Variants in MALRD1 observed in about 807,000 individuals in gnomAD.
MALRD1 encodes the protein MAM and LDL receptor class A domain containing 1, also known as MAM and LDL-receptor class A domain-containing protein 1.
Under a neutral mutation model 242.1 loss-of-function variants are expected in MALRD1, and 247 were observed. The observed-to-expected ratio is 1.02, with a 90% CI of 0.92 to 1.13. The LOEUF (loss-of-function observed/expected upper bound fraction) is 1.13. Among genes scored for constraint, MALRD1 ranks in the 50% most tolerant of loss-of-function variants. The pLI, the probability that MALRD1 is intolerant of heterozygous loss-of-function variation, is 0.00. For synonymous variants in MALRD1, 995 were observed against 866.6 expected (o/e 1.15, Z -2.60); for missense variants, 2,989 against 2,533.1 (o/e 1.18, Z -3.86).
chr10:19,205,665 A>G (rs1389082357), intron 17 of MALRD1, among the ~76,000 whole-genome samples: 1 of 152,142 alleles, frequency 6.6e-6, no homozygotes, highest in African/African-American at 2.4e-5. Context: ...ATCTAAAAAA[A>G]TCACAAGTCA....
intron 28 of MALRD1, among the ~76,000 whole-genome samples, chr10:19,392,082 G>A (rs1346894895): frequency 6.6e-6 from 1 of 152,174 alleles, no homozygotes; most frequent in African/African-American, 2.4e-5. Context: ...TTAATTGGTA[G>A]CCTCATTTAT....
At chr10:19,185,244 A>G (rs17720897) in intron 14 of MALRD1, among the ~76,000 whole-genome samples, 15,511 of 152,246 alleles carry the variant, frequency 0.1, 845 homozygotes, top group East Asian at 0.18. Flanking sequence ...AAGAAAGCCA[A>G]AATTTACTTA....
At chr10:19,180,809 A>C (rs1316102380) in intron 14 of MALRD1, among the ~76,000 whole-genome samples, 1 of 152,218 alleles carries the variant, frequency 6.6e-6, no homozygotes, top group Non-Finnish European at 1.5e-5. Flanking sequence ...AATATTTGCA[A>C]ACCATATATC....
intron 19 of MALRD1, among the ~76,000 whole-genome samples, chr10:19,274,878 AT>A (rs1189208134): frequency 6.6e-6 from 1 of 152,180 alleles, no homozygotes; most frequent in African/African-American, 2.4e-5. Context: ...GGTTTTTGAG[AT>A]TAAAAAAAGC....
chr10:19,489,012 C>G (rs753288957), intron 29 of MALRD1: 1 of 456,076 alleles, frequency 2.2e-6, no homozygotes, highest in Non-Finnish European at 4.4e-6. Flanking sequence ...GGTTCTCCCA[C>G]CATCCCCCGC....
At chr10:19,297,980 C>T (rs996414726) in intron 21 of MALRD1, among the ~76,000 whole-genome samples, 5 of 151,880 alleles carry the variant, frequency 3.3e-5, no homozygotes, top group African/African-American at 9.7e-5. Context: ...CTAAGAGCAA[C>T]GGCTTGGGAG....
intron 1 of MALRD1, among the ~76,000 whole-genome samples, chr10:19,065,903 A>G (rs1357113039): frequency 6.6e-6 from 1 of 152,144 alleles, no homozygotes; most frequent in Admixed American, 6.5e-5. Flanking sequence ...GGTCTCTGTG[A>G]TCTGATCTGC....
intron 38 of MALRD1, among the ~76,000 whole-genome samples, chr10:19,719,199 T>TATATATATACACAC (rs1554830393): frequency 3.2e-5 from 1 of 31,684 alleles, no homozygotes; most frequent in African/African-American, 1.4e-4. Flanking sequence ...TACATACATA[T>TATATATATACACAC]ATATATATAT....
intron 38 of MALRD1, among the ~76,000 whole-genome samples, chr10:19,726,813 G>T (rs997135175): frequency 7.9e-5 from 12 of 152,152 alleles, no homozygotes; most frequent in African/African-American, 2.9e-4. Context: ...GATGAATCTT[G>T]AAAACATTAT....
At chr10:19,383,309 T>C (rs1453461772) in intron 26 of MALRD1, among the ~76,000 whole-genome samples, 1 of 152,166 alleles carries the variant, frequency 6.6e-6, no homozygotes, top group Non-Finnish European at 1.5e-5. Flanking sequence ...CGGTATTGGC[T>C]TTCTGTTCCT....
chr10:19,107,209 A>G (rs1337311140), intron 5 of MALRD1, among the ~76,000 whole-genome samples: 2 of 151,980 alleles, frequency 1.3e-5, no homozygotes, highest in South Asian at 2.1e-4. Flanking sequence ...TTATCCGTCC[A>G]TTGCTGAAAG....
chr10:19,109,545 G>A (rs1836601971), intron 5 of MALRD1, among the ~76,000 whole-genome samples: 1 of 152,220 alleles, frequency 6.6e-6, no homozygotes, highest in African/African-American at 2.4e-5. Context: ...TCAAATAGCT[G>A]GGATGGTGTG....
At chr10:19,182,558 C>G (rs1030687067) in intron 14 of MALRD1, among the ~76,000 whole-genome samples, 22 of 151,958 alleles carry the variant, frequency 1.4e-4, no homozygotes, top group Admixed American at 3.3e-4. Context: ...TCTCGATCTC[C>G]TGACCTCGTA....
Position 19,088,005 on chromosome 10 carries a change from T to G in MALRD1, c.436-19T>G. The G allele has an allele frequency of 8.1e-7, 1 of 1,233,348 alleles. No individual in the cohort carries two copies. Among genetic ancestry groups the G allele is most frequent in the African/African-American group, 1.5e-5 (1 of 64,574 alleles). The allele number at this position is 1,233,348 out of a possible 1,614,324, so 76.4% of individuals were successfully genotyped here. ...GACTTCTTTATCATAATTGTTTGGG[T>G]ACTAATTGTCTTTCACAGATTACAT... On this transcript the variant is annotated intron_variant, in intron 3 of 39. Transcript: ENST00000454679.
intron 28 of MALRD1, among the ~76,000 whole-genome samples, chr10:19,432,209 T>C (rs2496097): frequency 0.62 from 94,012 of 152,026 alleles, 29,263 homozygotes; most frequent in Middle Eastern, 0.7. Context: ...TTGTCTGTTA[T>C]AGACAATGCT....
intron 22 of MALRD1, among the ~76,000 whole-genome samples, chr10:19,325,006 C>CTTTTTTTTTTTTT (rs34290618): frequency 7.7e-4 from 60 of 77,952 alleles, no homozygotes; most frequent in East Asian, 2.1e-3. Context: ...TCAGTAGTTG[C>CTTTTTTTTTTTTT]TTTTTTTTTT....
intron 5 of MALRD1, among the ~76,000 whole-genome samples, chr10:19,123,043 A>G (rs1837121909): frequency 2.0e-5 from 3 of 152,154 alleles, no homozygotes; most frequent in Admixed American, 6.5e-5. Flanking sequence ...GCCAACAGGC[A>G]CAATTTGAGA....
At chr10:19,589,371 A>G (rs1837631179) in intron 33 of MALRD1, among the ~76,000 whole-genome samples, 1 of 152,202 alleles carries the variant, frequency 6.6e-6, no homozygotes, top group Admixed American at 6.5e-5. Flanking sequence ...GTGGCATGCA[A>G]GTGAATGAGA....
intron 14 of MALRD1, among the ~76,000 whole-genome samples, chr10:19,181,931 T>C (rs976128594): frequency 6.6e-6 from 1 of 152,160 alleles, no homozygotes; most frequent in African/African-American, 2.4e-5. Flanking sequence ...GTTGTAATGA[T>C]AACTGGAATA....
Sources: gnomAD v4.1 joint callset for allele counts (sites outside exome capture counted in the v4.1 genomes callset) on GRCh38, gnomAD v4.1.1 for gene constraint, MANE v1.5 for transcripts, NCBI Gene and HGNC (gene_info 2026-07-23, HGNC 2026-07-21) for gene names.